Variants in PDE8B observed in about 807,000 individuals in gnomAD.
PDE8B encodes phosphodiesterase 8B, also known as high affinity cAMP-specific and IBMX-insensitive 3',5'-cyclic phosphodiesterase 8B.
Under a neutral mutation model 101.3 loss-of-function variants are expected in PDE8B, and 26 were observed. That is an observed-to-expected ratio of 0.26 (90% CI 0.19 to 0.36). PDE8B has a LOEUF of 0.36. Among genes scored for constraint, PDE8B ranks in the 10% least tolerant of loss-of-function variants. The probability of loss-of-function intolerance (pLI) is 1.00; values close to 1 mark genes in which losing one functional copy is unlikely to be tolerated. For synonymous variants in PDE8B, 424 were observed against 429.3 expected, an observed-to-expected ratio of 0.99 and a Z score of 0.15; for missense variants, 810 against 1,163.1, an observed-to-expected ratio of 0.70 and a Z score of 4.42.
intron 10 of PDE8B, among the ~76,000 whole-genome samples, chr5:77,360,473 G>A (rs1373342198): frequency 2.0e-5 from 3 of 152,168 alleles, no homozygotes; most frequent in Admixed American, 6.5e-5. Flanking sequence ...TTTTTCCAAA[G>A]CAACAGTTGG....
intron 5 of PDE8B, among the ~76,000 whole-genome samples, chr5:77,335,532 GGTGTGTGTGTGT>G (rs35776739): frequency 2.1e-5 from 3 of 145,572 alleles, no homozygotes; most frequent in Non-Finnish European, 4.5e-5. Context: ...GTATATGTGG[GGTGTGTGTGTGT>G]GTGTGTGTGT....
At chr5:77,336,988 T>G (rs1250431086) in intron 5 of PDE8B, among the ~76,000 whole-genome samples, 3 of 152,224 alleles carry the variant, frequency 2.0e-5, no homozygotes, top group Non-Finnish European at 4.4e-5. Flanking sequence ...ATTCATAATG[T>G]AGTTTATTCT....
chr5:77,321,213 G>A (rs188563090), intron 2 of PDE8B, among the ~76,000 whole-genome samples: 2 of 137,794 alleles, frequency 1.5e-5, no homozygotes, highest in Admixed American at 8.4e-5. Flanking sequence ...GCAATGGCAC[G>A]ATCTCAGCTC....
At chr5:77,116,224 A>ATATATATATATATTTTTTT in the PDE8B span, among the ~76,000 whole-genome samples, 1 of 59,610 alleles carries the variant, frequency 1.7e-5, no homozygotes, top group African/African-American at 7.2e-5. Flanking sequence ...ATATATATAT[A>ATATATATATATATTTTTTT]TTTTTTTTTT....
At chr5:77,136,649 C>T in the PDE8B span, among the ~76,000 whole-genome samples, 1 of 152,158 alleles carries the variant, frequency 6.6e-6, no homozygotes, top group Admixed American at 6.5e-5. Flanking sequence ...ATGGGAGAAA[C>T]TCAGATGTCA....
chr5:77,191,277 G>C, the PDE8B span, among the ~76,000 whole-genome samples: 692 of 152,158 alleles, frequency 4.5e-3, 2 homozygotes, highest in African/African-American at 0.016. Flanking sequence ...ACAGACTTCA[G>C]TCCATAACAT....
chr5:77,267,097 G>A (rs572905449), intron 1 of PDE8B, among the ~76,000 whole-genome samples: 41 of 152,184 alleles, frequency 2.7e-4, no homozygotes, highest in African/African-American at 9.6e-4. Context: ...GCTCAGTTGA[G>A]TGACTCATTC....
At chr5:77,106,432 G>T in the PDE8B span, among the ~76,000 whole-genome samples, 1 of 152,274 alleles carries the variant, frequency 6.6e-6, no homozygotes, top group African/African-American at 2.4e-5. Context: ...CCATTGAAAT[G>T]GCTTGGCACA....
the PDE8B span, among the ~76,000 whole-genome samples, chr5:77,107,227 G>T: frequency 2.6e-5 from 4 of 152,126 alleles, no homozygotes; most frequent in Non-Finnish European, 5.9e-5. Flanking sequence ...CAAAGGACAC[G>T]AACTCATCCT....
chr5:77,250,090 T>G (rs1443696456), intron 1 of PDE8B, among the ~76,000 whole-genome samples: 3 of 152,244 alleles, frequency 2.0e-5, no homozygotes, highest in Middle Eastern at 3.2e-3. Context: ...ATGCAATGCT[T>G]CTTTCTCATC....
At chr5:77,260,547 C>G (rs906888319) in intron 1 of PDE8B, among the ~76,000 whole-genome samples, 1 of 149,978 alleles carries the variant, frequency 6.7e-6, no homozygotes, top group Non-Finnish European at 1.5e-5. Flanking sequence ...TGAGTATATC[C>G]TTGGGTATTT....
the PDE8B span, among the ~76,000 whole-genome samples, chr5:77,172,289 A>G: frequency 1.3e-5 from 2 of 152,172 alleles, no homozygotes; most frequent in South Asian, 2.1e-4. Context: ...CACAATAAAC[A>G]TTTGTCTGAA....
intron 1 of PDE8B, among the ~76,000 whole-genome samples, chr5:77,236,633 C>T (rs183862688): frequency 5.3e-5 from 8 of 152,256 alleles, no homozygotes; most frequent in Non-Finnish European, 1.2e-4. Flanking sequence ...TGAACTTGAC[C>T]AGGACAGTTT....
intron 10 of PDE8B, among the ~76,000 whole-genome samples, chr5:77,356,121 G>GC (rs1782061664): frequency 6.6e-6 from 1 of 152,152 alleles, no homozygotes; most frequent in African/African-American, 2.4e-5. Context: ...TCTTAGGCCA[G>GC]CAACAGTCTG....
In PDE8B at chr5:77,235,055, A is replaced by G. The variant is rs1023780705; in HGVS notation, c.339+23791A>G. On this transcript the variant is annotated intron_variant, in intron 1 of 21. Coordinates refer to ENST00000264917, the MANE Select transcript of PDE8B (RefSeq NM_003719.5). ...TCTTAGCCCTCCTGGTCTAAGTACA[A>G]TTATCATGGCCGTCATCTCACAGAG... Among the ~76,000 whole-genome samples, 5 of 152,236 alleles carry G rather than the reference A, an allele frequency of 3.3e-5. No homozygotes were observed. In the East Asian group the frequency reaches 5.8e-4, roughly 18 times the overall value.
At chr5:77,333,421 A>AC (rs1340588045) in intron 5 of PDE8B, among the ~76,000 whole-genome samples, 12 of 151,996 alleles carry the variant, frequency 7.9e-5, no homozygotes, top group African/African-American at 2.9e-4. Flanking sequence ...TGTAATATTG[A>AC]CCCCCCGACT....
intron 5 of PDE8B, 83 bp downstream of exon 5, chr5:77,331,542 A>G: frequency 9.4e-7 from 1 of 1,063,326 alleles, no homozygotes; most frequent in Admixed American, 1.7e-5. Context: ...CAAAGCTGCC[A>G]CGGAGAACTG....
intron 10 of PDE8B, among the ~76,000 whole-genome samples, chr5:77,360,596 C>T (rs143609458): frequency 9.9e-5 from 15 of 152,254 alleles, no homozygotes; most frequent in African/African-American, 3.6e-4. Flanking sequence ...GGCACTTGGC[C>T]CAGTGGAAGA....
chr5:77,323,031 A>G (rs1000961404), intron 2 of PDE8B, among the ~76,000 whole-genome samples: 1 of 152,364 alleles, frequency 6.6e-6, no homozygotes, highest in Middle Eastern at 3.4e-3. Flanking sequence ...TAATTCAGCC[A>G]GACAGGTGAG....
Sources: gnomAD v4.1 joint callset for allele counts (sites outside exome capture counted in the v4.1 genomes callset) on GRCh38, gnomAD v4.1.1 for gene constraint, MANE v1.5 for transcripts, NCBI Gene and HGNC (gene_info 2026-07-23, HGNC 2026-07-21) for gene names.